The following METAP1D variants were observed in gnomAD, a reference collection of about 807,000 sequenced individuals.
The protein encoded by METAP1D is methionyl aminopeptidase type 1D, mitochondrial.
In METAP1D, 31 loss-of-function variants were observed where a neutral mutation model predicts 40.5. That is an observed-to-expected ratio of 0.77 (90% CI 0.58 to 1.03). METAP1D has a LOEUF of 1.03. METAP1D is among the 50% of genes least tolerant of loss of function. The pLI, the probability that METAP1D is intolerant of heterozygous loss-of-function variation, is 0.00. For missense variants in METAP1D, 411 were observed against 420.7 expected (o/e 0.98, Z 0.20); for synonymous variants, 151 against 146.4 (o/e 1.03, Z -0.22).
Position 172,079,010 on chromosome 2 carries a change from C to T in METAP1D, c.803-205C>T, listed in dbSNP as rs139351082. 1.5e-3 allele frequency among the ~76,000 whole-genome samples: 227 copies of T among 152,308 alleles called. 3 individuals carry two copies. In the East Asian group the frequency reaches 0.035, roughly 24 times the overall value. ...TCTGGGGGAGTCTTGACCCAGAGCA[C>T]AGATAATGCAAAGACTCAGGCCCAG... On this transcript the variant is annotated intron_variant, in intron 7 of 9. Coordinates refer to ENST00000315796, the MANE Select transcript of METAP1D (RefSeq NM_199227.3).
At chr2:172,074,121 A>G (rs915747656) in intron 6 of METAP1D, among the ~76,000 whole-genome samples, 2 of 152,132 alleles carry the variant, frequency 1.3e-5, no homozygotes, top group African/African-American at 4.8e-5. Flanking sequence ...ATATTTCTAA[A>G]TCTGTATTTT....
chr2:172,082,106 A>C lies in METAP1D; in HGVS notation c.*1700A>C, dbSNP rs950896486. On this transcript the variant is annotated 3_prime_UTR_variant, in exon 10 of 10. Coordinates refer to ENST00000315796, the MANE Select transcript of METAP1D (RefSeq NM_199227.3). ...TTTTTGTGTGGTCGGAAGTTGGCCAAGCAGAGGCCCACAGCCTGATGCTAC... is the reference window on the plus strand; with the variant it reads ...TTTTTGTGTGGTCGGAAGTTGGCCACGCAGAGGCCCACAGCCTGATGCTAC... 6.6e-6 allele frequency: 1 copy of C among 152,460 alleles called. No individual in the cohort carries two copies. The highest frequency in any genetic ancestry group is 1.9e-4 in the East Asian group (1 of 5,212). The allele number at this position is 152,460 out of a possible 1,614,324, so 9.4% of individuals were successfully genotyped here. A position where few individuals can be genotyped will look rare whatever the true frequency, so the allele number is the denominator to read the frequency against.
intron 1 of METAP1D, among the ~76,000 whole-genome samples, chr2:172,053,849 G>A (rs1181594896): frequency 6.6e-6 from 1 of 152,182 alleles, no homozygotes; most frequent in Non-Finnish European, 1.5e-5. Flanking sequence ...GCACACTGCA[G>A]GGTGAAAGTG....
chr2:172,027,641 C>T (rs1245498942), intron 1 of METAP1D, among the ~76,000 whole-genome samples: 3 of 152,196 alleles, frequency 2.0e-5, no homozygotes, highest in Non-Finnish European at 2.9e-5. Flanking sequence ...TGATTTTGTA[C>T]GTGTACACGT....
chr2:172,038,220 T>A (rs1689438860), intron 1 of METAP1D, among the ~76,000 whole-genome samples: 1 of 152,244 alleles, frequency 6.6e-6, no homozygotes, highest in Non-Finnish European at 1.5e-5. Context: ...AATATATGCT[T>A]ACAGCTGTAT....
intron 1 of METAP1D, among the ~76,000 whole-genome samples, chr2:172,029,019 A>G (rs369155944): frequency 1.3e-5 from 2 of 152,234 alleles, no homozygotes; most frequent in African/African-American, 2.4e-5. Context: ...TTCAGTAGAC[A>G]TGCATGGTCA....
intron 1 of METAP1D, 78 bp downstream of exon 1, chr2:172,000,087 C>A: frequency 8.2e-7 from 1 of 1,217,534 alleles, no homozygotes; most frequent in African/African-American, 1.6e-5. Flanking sequence ...AAGGGATGCG[C>A]ACCCGCGCTC....
chr2:172,043,270 AG>A (rs1233913280), intron 1 of METAP1D, among the ~76,000 whole-genome samples: 2 of 131,752 alleles, frequency 1.5e-5, no homozygotes. Context: ...CAAAAAAAAT[AG>A]TATTCTTTTA....
intron 1 of METAP1D, among the ~76,000 whole-genome samples, chr2:172,030,424 A>T (rs1689215877): frequency 6.6e-6 from 1 of 152,144 alleles, no homozygotes; most frequent in Non-Finnish European, 1.5e-5. Flanking sequence ...TGTATTGCAG[A>T]GGTGGAAATG....
intron 1 of METAP1D, among the ~76,000 whole-genome samples, chr2:172,006,744 G>A (rs879302574): frequency 9.2e-5 from 14 of 152,084 alleles, no homozygotes; most frequent in Non-Finnish European, 1.8e-4. Flanking sequence ...GAACTCCCAC[G>A]TAGCCATCAT....
intron 1 of METAP1D, among the ~76,000 whole-genome samples, chr2:172,002,070 G>T (rs965151162): frequency 2.6e-5 from 4 of 151,180 alleles, no homozygotes; most frequent in Non-Finnish European, 4.4e-5. Flanking sequence ...AAAGATCTGG[G>T]TTCCAGTCCA....
chr2:172,033,805 G>A (rs1246930132), intron 1 of METAP1D, among the ~76,000 whole-genome samples: 1 of 151,956 alleles, frequency 6.6e-6, no homozygotes, highest in Non-Finnish European at 1.5e-5. Context: ...TCACAGGCCG[G>A]GTATGGTGGC....
At chr2:172,015,390 C>A (rs1290821310) in intron 1 of METAP1D, among the ~76,000 whole-genome samples, 1 of 151,982 alleles carries the variant, frequency 6.6e-6, no homozygotes, top group Non-Finnish European at 1.5e-5. Flanking sequence ...CGAGCCTGGG[C>A]AACAGTGAGA....
chr2:172,079,839 G>A (rs796918306), intron 8 of METAP1D, among the ~76,000 whole-genome samples: 2 of 152,216 alleles, frequency 1.3e-5, no homozygotes, highest in African/African-American at 4.8e-5. Flanking sequence ...TATTATCCAC[G>A]GGGTCCTAAT....
chr2:172,032,630 G>A (rs1196682889), intron 1 of METAP1D, among the ~76,000 whole-genome samples: 4 of 152,120 alleles, frequency 2.6e-5, no homozygotes, highest in African/African-American at 9.7e-5. Context: ...AATTAAGAAG[G>A]TCTGAGAGAA....
intron 1 of METAP1D, among the ~76,000 whole-genome samples, chr2:172,017,895 G>T (rs1371799978): frequency 6.6e-6 from 1 of 152,134 alleles, no homozygotes. Flanking sequence ...TTGGGAGGCT[G>T]AGGCGGGTGA....
chr2:172,003,691 A>G (rs985449419), intron 1 of METAP1D, among the ~76,000 whole-genome samples: 1 of 152,172 alleles, frequency 6.6e-6, no homozygotes, highest in South Asian at 2.1e-4. Context: ...CCTTTTCTTT[A>G]TAAATTACCC....
intron 7 of METAP1D, among the ~76,000 whole-genome samples, chr2:172,078,990 G>A (rs887220096): frequency 1.3e-5 from 2 of 152,128 alleles, no homozygotes; most frequent in African/African-American, 2.4e-5. Flanking sequence ...ACTCTTCTGG[G>A]GGAGTCTTGA....
chr2:172,014,559 G>A (rs555382247), intron 1 of METAP1D, among the ~76,000 whole-genome samples: 1 of 152,336 alleles, frequency 6.6e-6, no homozygotes, highest in South Asian at 2.1e-4. Context: ...AATGTGGCCT[G>A]TTCTGACCAA....
Sources: gnomAD v4.1 joint callset for allele counts (sites outside exome capture counted in the v4.1 genomes callset) on GRCh38, gnomAD v4.1.1 for gene constraint, MANE v1.5 for transcripts, NCBI Gene and HGNC (gene_info 2026-07-23, HGNC 2026-07-21) for gene names.